AKT2: variants seen among roughly 807,000 people sequenced by gnomAD.
AKT2 encodes RAC-beta serine/threonine-protein kinase.
Under a neutral mutation model 58.6 loss-of-function variants are expected in AKT2, and 16 were observed. That is an observed-to-expected ratio of 0.27 (90% CI 0.18 to 0.41). The LOEUF is 0.41. Among genes scored for constraint, AKT2 ranks in the 10% least tolerant of loss-of-function variants. AKT2 has a pLI of 1.00. For synonymous variants in AKT2, 253 were observed against 254.0 expected, an observed-to-expected ratio of 1.00 and a Z score of 0.04; for missense variants, 438 against 661.0, an observed-to-expected ratio of 0.66 and a Z score of 3.70.
In AKT2 at chr19:40,232,821, A is replaced by C. The variant is rs1241930872; in HGVS notation, c.*1051T>G. ...ACAGCACTGACATGGACGTGCACTC[A>C]TGTTCAACCTTAAGGCTGCAGAACG... On this transcript the variant is annotated 3_prime_UTR_variant, in exon 14 of 14. Transcript: ENST00000392038. 3 of 235,556 alleles carry C rather than the reference A, an allele frequency of 1.3e-5. No individual in the cohort carries two copies. Among genetic ancestry groups the C allele is most frequent in the African/African-American group, 6.6e-5 (3 of 45,422 alleles). 14.6% of individuals were successfully genotyped at this position (235,556 alleles called of 1,614,324 possible).
In AKT2 at chr19:40,268,348, C is replaced by T. The variant is rs138590076; in HGVS notation, c.-84-2997G>A. On this transcript the variant is annotated intron_variant, in intron 1 of 13. Transcript: ENST00000392038. ...GCCCAGGGCTCGGCCTACTGCCTGG[C>T]GCCCAGTGAACAGCCAAACACATGG... Among the ~76,000 whole-genome samples the T allele has an allele frequency of 7.5e-3, 1,140 of 152,316 alleles. 19 individuals are homozygous for T. The highest frequency in any genetic ancestry group is 0.026 in the African/African-American group (1,095 of 41,554).
intron 1 of AKT2, chr19:40,282,466 C>T (rs1458344880): frequency 2.0e-6 from 1 of 496,690 alleles, no homozygotes; most frequent in East Asian, 5.7e-5. Context: ...TAAAGGATGC[C>T]TTGCCTCCAC....
chr19:40,235,964 G>T lies in AKT2; in HGVS notation c.1101C>A (p.Ile367=), dbSNP rs761890871. 1 of 1,614,034 alleles carries T rather than the reference G, an allele frequency of 6.2e-7. No homozygotes were observed. Among genetic ancestry groups the T allele is most frequent in the South Asian group, 1.1e-5 (1 of 91,084 alleles). ...CGGGGCTGAGCGTGCGCGGGAAGCG[G>T]ATCTCTTCCATGAGGATGAGCTCGA... ...RLFELILMEE[I]RFPRTLSPEA... is the part of the protein sequence containing the mutation. Residue 367 remains isoleucine, a synonymous_variant, in exon 11 of 14, where the codon ATC becomes ATA. Coordinates refer to ENST00000392038, the MANE Select transcript of AKT2 (RefSeq NM_001626.6). The surrounding 1 kb of genome is among the most constrained non-coding windows in gnomAD (Gnocchi z 6.3).
intron 6 of AKT2, chr19:40,240,347 G>A: frequency 1.4e-6 from 1 of 704,736 alleles, no homozygotes; most frequent in Non-Finnish European, 2.7e-6. Flanking sequence ...CACAATGTAA[G>A]GACCAGGCTG....
At chr19:40,250,000 G>C (rs903978918) in intron 4 of AKT2, among the ~76,000 whole-genome samples, 1 of 152,160 alleles carries the variant, frequency 6.6e-6, no homozygotes, top group African/African-American at 2.4e-5. Context: ...GACAGCAAGC[G>C]CTGAGGCCCT....
chr19:40,230,855 G>A lies in AKT2; in HGVS notation c.*3017C>T, dbSNP rs1208735528. The A allele has an allele frequency of 5.3e-6, 1 of 187,680 alleles. No individual in the cohort carries two copies. The highest frequency in any genetic ancestry group is 8.5e-5 in the East Asian group (1 of 11,832). The allele number at this position is 187,680 out of a possible 1,614,324, so 11.6% of individuals were successfully genotyped here. A position where few individuals can be genotyped will look rare whatever the true frequency, so the allele number is the denominator to read the frequency against. On this transcript the variant is annotated 3_prime_UTR_variant, in exon 14 of 14. Transcript: ENST00000392038. ...CTCACCTCAGCCTTCCAAGTTAGCT[G>A]GGATTGCAGGCATGCACCACCATGC...
rs1973936698 is a variant in AKT2 at position 40,235,153 on chromosome 19, G to A, written c.1264-6C>T. On this transcript the variant is annotated splice_polypyrimidine_tract_variant and splice_region_variant and intron_variant, in intron 12 of 13. Transcript: ENST00000392038. The surrounding 1 kb of genome is among the most constrained non-coding windows in gnomAD (Gnocchi z 6.3). The stretch of plus-strand genomic sequence containing the variant: ...GGTTTGAAGGGTGGCAGGAGCTACG[G>A]AGGAGAGGAGCTCAGGCTCAGGGAC... The A allele has an allele frequency of 6.2e-7, 1 of 1,613,840 alleles. No homozygotes were observed. The highest frequency in any genetic ancestry group is 8.5e-7 in the Non-Finnish European group (1 of 1,179,952).
intron 1 of AKT2, chr19:40,275,279 G>A: frequency 2.2e-6 from 1 of 456,798 alleles, no homozygotes; most frequent in South Asian, 1.5e-5. Flanking sequence ...GTGCACGCAT[G>A]CACGGGAGCC....
chr19:40,277,099 TCA>T (rs1171966746), intron 1 of AKT2, among the ~76,000 whole-genome samples: 6 of 152,104 alleles, frequency 3.9e-5, no homozygotes, highest in Non-Finnish European at 8.8e-5. Flanking sequence ...TGAGATGGCT[TCA>T]CACACAGCTG....
At chr19:40,249,188 A>C (rs1974963925) in intron 4 of AKT2, among the ~76,000 whole-genome samples, 1 of 152,108 alleles carries the variant, frequency 6.6e-6, no homozygotes, top group Non-Finnish European at 1.5e-5. Flanking sequence ...GGTTTTAGTC[A>C]GGGGGGAACA....
chr19:40,236,569 C>T (rs1974042844), intron 9 of AKT2, 184 bp from the exon 10 acceptor site: 1 of 761,816 alleles, frequency 1.3e-6, no homozygotes, highest in South Asian at 1.7e-5. Flanking sequence ...CCTCCTCACC[C>T]TCTGGCCCAC....
chr19:40,281,860 AAC>A (rs1197833858), intron 1 of AKT2, among the ~76,000 whole-genome samples: 1 of 152,234 alleles, frequency 6.6e-6, no homozygotes, highest in East Asian at 1.9e-4. Flanking sequence ...TGTATGCCAG[AAC>A]AGTTATGAAT....
chr19:40,255,239 C>T lies in AKT2; in HGVS notation c.206G>A (p.Arg69Gln), dbSNP rs1485745630. ...ECQLMKTERP[R>Q]PNTFVIRCLQ... ...GCAGCGTATGACAAAGGTGTTGGGTCGCGGCCTCTCGGTCTTCATCAGCTG... is the reference window on the plus strand; with the variant it reads ...GCAGCGTATGACAAAGGTGTTGGGTTGCGGCCTCTCGGTCTTCATCAGCTG... The change falls in exon 4 of 14, where the codon CGA becomes CAA. Residue 69 changes from arginine to glutamine, a missense_variant. This residue lies in a region of AKT2 where 244 missense variants were observed against 347.1 expected (regional missense o/e 0.70). Transcript: ENST00000392038. 6.2e-7 allele frequency: 1 copy of T among 1,614,038 alleles called. No individual in the cohort carries two copies. The highest frequency in any genetic ancestry group is 1.1e-5 in the South Asian group (1 of 91,072).
intron 2 of AKT2, among the ~76,000 whole-genome samples, chr19:40,264,253 A>G (rs1215450264): frequency 6.6e-6 from 1 of 152,126 alleles, no homozygotes; most frequent in Non-Finnish European, 1.5e-5. Context: ...GGACAAAGCC[A>G]TCTCTCAGCA....
chr19:40,279,510 C>T (rs568774587), intron 1 of AKT2: 1 of 152,424 alleles, frequency 6.6e-6, no homozygotes, highest in African/African-American at 2.4e-5. Flanking sequence ...GGAGGGGTGA[C>T]CCTGGGTCCT....
chr19:40,232,643 C>G lies in AKT2; in HGVS notation c.*1229G>C, dbSNP rs1460000501. ...CCACTAGGTCAGCACCCCTCCCCCA[C>G]AGGATGAAATGCTCGGGCCAGGGAT... On this transcript the variant is annotated 3_prime_UTR_variant, in exon 14 of 14. Transcript: ENST00000392038. 4.3e-6 allele frequency: 1 copy of G among 233,420 alleles called. No individual in the cohort carries two copies. Among genetic ancestry groups the G allele is most frequent in the Non-Finnish European group, 8.5e-6 (1 of 118,262 alleles). 14.5% of individuals were successfully genotyped at this position (233,420 alleles called of 1,614,324 possible). A position where few individuals can be genotyped will look rare whatever the true frequency, so the allele number is the denominator to read the frequency against.
intron 6 of AKT2, chr19:40,241,351 T>C (rs945931464): frequency 2.3e-5 from 4 of 171,642 alleles, no homozygotes; most frequent in African/African-American, 7.2e-5. Context: ...TCAGGACACA[T>C]GTTCAAGTAT....
At chr19:40,282,493 G>T (rs2077440724) in intron 1 of AKT2, 5 of 520,798 alleles carry the variant, frequency 9.6e-6, no homozygotes, top group South Asian at 7.3e-5. Flanking sequence ...GAGGGACCAA[G>T]AAATGCTGGA....
At chr19:40,253,011 A>G (rs1175877102) in intron 4 of AKT2, among the ~76,000 whole-genome samples, 1 of 152,252 alleles carries the variant, frequency 6.6e-6, no homozygotes, top group Non-Finnish European at 1.5e-5. Flanking sequence ...AGTATAGATT[A>G]TAGTAACAAG....
Sources: allele counts gnomAD v4.1 joint callset (sites outside exome capture counted in the v4.1 genomes callset), GRCh38; gene constraint gnomAD v4.1.1; regional missense constraint gnomAD v4.1.1; non-coding constraint Gnocchi (gnomAD v3.1); transcripts MANE v1.5; gene names NCBI Gene and HGNC (gene_info 2026-07-23, HGNC 2026-07-21).